Variants in NAA35 observed in about 807,000 individuals in gnomAD.
NAA35 encodes MAK10 homolog, amino-acid N-acetyltransferase subunit.
NAA35 carries 18 observed loss-of-function variants against 101.7 expected under a neutral mutation model. The observed-to-expected ratio is 0.18, with a 90% CI of 0.12 to 0.26. NAA35 has a LOEUF of 0.26. NAA35 is among the 10% of genes least tolerant of loss of function. The pLI is 1.00. For synonymous variants in NAA35, 267 were observed against 273.1 expected, an observed-to-expected ratio of 0.98 and a Z score of 0.22; for missense variants, 601 against 886.8, an observed-to-expected ratio of 0.68 and a Z score of 4.09.
intron 8 of NAA35, 108 bp from the exon 9 acceptor site, chr9:85,976,577 C>A: frequency 1.3e-6 from 1 of 751,172 alleles, no homozygotes; most frequent in Non-Finnish European, 2.0e-6. Context: ...CTATTTTCCC[C>A]AAAAACAGAT....
At chr9:85,959,646 G>T (rs1587573330) in intron 4 of NAA35, 147 bp from the exon 5 acceptor site, 3 of 533,070 alleles carry the variant, frequency 5.6e-6, no homozygotes, top group Non-Finnish European at 1.0e-5. Flanking sequence ...AATTTGGTGT[G>T]ATAGTTTTAT....
intron 11 of NAA35, among the ~76,000 whole-genome samples, chr9:85,980,728 T>C (rs1830404233): frequency 6.6e-6 from 1 of 152,216 alleles, no homozygotes; most frequent in South Asian, 2.1e-4. Context: ...AAAAGAATAG[T>C]GTACCTCTGT....
intron 2 of NAA35, among the ~76,000 whole-genome samples, chr9:85,953,237 T>TTTTC (rs1262764120): frequency 3.3e-5 from 5 of 151,754 alleles, no homozygotes; most frequent in Non-Finnish European, 4.4e-5. Flanking sequence ...TTTTTTTTTT[T>TTTTC]TTACCGGCTT....
Position 85,996,471 on chromosome 9 carries a change from C to CA in NAA35, c.955dup (p.Ile319AsnfsTer3). ...CTTCCACCTACCTTCCCTCGATATG[C>CA]AAAAATAATTAAAAGGGAAGAAATG... is the stretch of plus-strand genomic sequence containing the variant. On this transcript the variant is annotated frameshift_variant, in exon 12 of 23. Coordinates refer to ENST00000361671, the MANE Select transcript of NAA35 (RefSeq NM_024635.4). LOFTEE classifies it high-confidence loss of function. 6.2e-7 allele frequency: 1 copy of CA among 1,609,004 alleles called. No individual in the cohort carries two copies. Among genetic ancestry groups the CA allele is most frequent in the Non-Finnish European group, 8.5e-7 (1 of 1,177,636 alleles).
chr9:86,020,803 C>A, intron 21 of NAA35, 86 bp from the exon 22 acceptor site: 1 of 981,038 alleles, frequency 1.0e-6, no homozygotes, highest in Non-Finnish European at 1.6e-6. Context: ...GTACTCCAGC[C>A]TGGGTTGACA....
intron 6 of NAA35, among the ~76,000 whole-genome samples, chr9:85,968,780 A>G (rs550224633): frequency 2.6e-5 from 4 of 152,282 alleles, no homozygotes; most frequent in East Asian, 3.9e-4. Context: ...CCTTGCCCCA[A>G]CTAGTAATCT....
Position 85,945,305 on chromosome 9 carries a change from T to G in NAA35, c.124+3022T>G, listed in dbSNP as rs549215701. ...AAAAAAATTGATGTAGAATTAATCT[T>G]CATATGTAGATTTAGGACTAAAGAC... On this transcript the variant is annotated intron_variant, in intron 2 of 22. Coordinates refer to ENST00000361671, the MANE Select transcript of NAA35 (RefSeq NM_024635.4). Among the ~76,000 whole-genome samples the G allele has an allele frequency of 2.2e-4, 33 of 152,310 alleles. 1 individual carries two copies. The highest frequency in any genetic ancestry group is 3.4e-3 in the Middle Eastern group (1 of 294).
chr9:85,972,537 CG>C (rs1165705832), intron 6 of NAA35, among the ~76,000 whole-genome samples: 1 of 138,346 alleles, frequency 7.2e-6, no homozygotes, highest in African/African-American at 2.8e-5. Flanking sequence ...AAAAAAGGGT[CG>C]GGGGGTGGAG....
intron 2 of NAA35, among the ~76,000 whole-genome samples, chr9:85,945,586 T>G (rs1828724163): frequency 6.9e-6 from 1 of 144,966 alleles, no homozygotes; most frequent in South Asian, 2.1e-4. Context: ...AGTGCAGTGG[T>G]GCTGTCTCGG....
At chr9:85,944,240 G>C (rs1828655262) in intron 2 of NAA35, among the ~76,000 whole-genome samples, 1 of 152,166 alleles carries the variant, frequency 6.6e-6, no homozygotes, top group South Asian at 2.1e-4. Flanking sequence ...GGAAAACAGA[G>C]CTTCTACTTT....
intron 2 of NAA35, among the ~76,000 whole-genome samples, chr9:85,951,915 C>T (rs147297804): frequency 5.3e-5 from 8 of 152,108 alleles, no homozygotes; most frequent in Non-Finnish European, 8.8e-5. Flanking sequence ...CTGCCTTGGC[C>T]GCCTCCCAAA....
At chr9:85,980,551 A>C (rs1002370662) in intron 11 of NAA35, among the ~76,000 whole-genome samples, 1 of 152,224 alleles carries the variant, frequency 6.6e-6, no homozygotes, top group East Asian at 1.9e-4. Context: ...TTCTCACTGC[A>C]TTCATACAGG....
At chr9:86,015,708 A>C in intron 17 of NAA35, 2 of 912,010 alleles carry the variant, frequency 2.2e-6, no homozygotes, top group Non-Finnish European at 2.6e-6. Flanking sequence ...ACTTAATAAA[A>C]GATCATTGAG....
intron 21 of NAA35, among the ~76,000 whole-genome samples, chr9:86,020,571 C>G (rs1832479557): frequency 6.6e-6 from 1 of 152,168 alleles, no homozygotes; most frequent in South Asian, 2.1e-4. Flanking sequence ...TGACTGGCCA[C>G]AGTGGCTCAC....
chr9:85,993,445 A>G (rs1001139708), intron 11 of NAA35, among the ~76,000 whole-genome samples: 3 of 152,218 alleles, frequency 2.0e-5, no homozygotes, highest in African/African-American at 7.2e-5. Context: ...CTGCGATTAC[A>G]GGTGTGAGCC....
At chr9:86,000,616 C>G (rs536569531) in intron 12 of NAA35, among the ~76,000 whole-genome samples, 2 of 151,814 alleles carry the variant, frequency 1.3e-5, no homozygotes, top group Non-Finnish European at 2.9e-5. Flanking sequence ...TTCTTCCTGG[C>G]TCAGTCTTGG....
At chr9:85,966,589 A>G in intron 6 of NAA35, 1 of 1,226,168 alleles carries the variant, frequency 8.2e-7, no homozygotes, top group Non-Finnish European at 1.1e-6. Flanking sequence ...CCACCTCTTG[A>G]TCTCAGATTT....
intron 6 of NAA35, among the ~76,000 whole-genome samples, chr9:85,965,454 C>A (rs747592760): frequency 6.6e-6 from 1 of 152,152 alleles, no homozygotes; most frequent in African/African-American, 2.4e-5. Context: ...ATATCCAGAC[C>A]CTGTCTCTAC....
At chr9:85,971,376 A>T (rs939307090) in intron 6 of NAA35, among the ~76,000 whole-genome samples, 1 of 152,014 alleles carries the variant, frequency 6.6e-6, no homozygotes, top group South Asian at 2.1e-4. Context: ...TCTTCTTAAT[A>T]CCAGTCTTTT....
Sources: allele counts gnomAD v4.1 joint callset (sites outside exome capture counted in the v4.1 genomes callset), GRCh38; gene constraint gnomAD v4.1.1; transcripts MANE v1.5; gene names NCBI Gene and HGNC (gene_info 2026-07-23, HGNC 2026-07-21).